IP6K1: variants seen among roughly 807,000 people sequenced by gnomAD.
The protein encoded by IP6K1 is inositol hexakisphosphate kinase 1, also known as ATP:1D-myo-inositol-hexakisphosphate phosphotransferase.
Under a neutral mutation model 38.3 loss-of-function variants are expected in IP6K1, and 13 were observed. The ratio of observed to expected loss-of-function variants is 0.34; its 90% CI spans 0.22 to 0.54. The LOEUF (loss-of-function observed/expected upper bound fraction) is 0.54, where lower values mean the gene tolerates loss of function less well. Among genes scored for constraint, IP6K1 ranks in the 20% least tolerant of loss-of-function variants. IP6K1 has a pLI of 0.92. For synonymous variants in IP6K1, 212 were observed against 229.9 expected (o/e 0.92, Z 0.70); for missense variants, 397 against 599.8 (o/e 0.66, Z 3.53).
chr3:49,763,164 C>T (rs1367164035), intron 1 of IP6K1, among the ~76,000 whole-genome samples: 2 of 141,714 alleles, frequency 1.4e-5, no homozygotes, highest in African/African-American at 2.7e-5. Flanking sequence ...AGTGTAGTGG[C>T]GCAATCTCGG....
intron 2 of IP6K1, among the ~76,000 whole-genome samples, chr3:49,740,707 G>T (rs2080659111): frequency 1.3e-5 from 2 of 152,054 alleles, no homozygotes; most frequent in Admixed American, 1.3e-4. Context: ...TGGCTCAATA[G>T]TATTCCATTG....
chr3:49,751,745 T>C (rs185816579), intron 1 of IP6K1, among the ~76,000 whole-genome samples: 33 of 152,328 alleles, frequency 2.2e-4, no homozygotes, highest in Admixed American at 8.5e-4. Flanking sequence ...TGTAATACTT[T>C]AGTTACATAT....
chr3:49,727,038 G>A lies in IP6K1; in HGVS notation c.*84C>T. The A allele has an allele frequency of 1.5e-6, 2 of 1,327,818 alleles. No homozygotes were observed. The highest frequency in any genetic ancestry group is 2.1e-6 in the Non-Finnish European group (2 of 964,484). 82.3% of individuals were successfully genotyped at this position (1,327,818 alleles called of 1,614,324 possible). Reference sequence around the variant, plus strand: ...GAGAAATATAACCCTTTAAAAGCAAGTCTGTGTGTCCTCACGGCAAGTTCA... The same window carrying A: ...GAGAAATATAACCCTTTAAAAGCAAATCTGTGTGTCCTCACGGCAAGTTCA... On this transcript the variant is annotated 3_prime_UTR_variant, in exon 6 of 6. Coordinates refer to ENST00000321599, the MANE Select transcript of IP6K1 (RefSeq NM_153273.4). The surrounding 1 kb of genome is among the most constrained non-coding windows in gnomAD (Gnocchi z 5.9).
At chr3:49,745,547 C>T (rs2080712978) in intron 2 of IP6K1, among the ~76,000 whole-genome samples, 2 of 152,094 alleles carry the variant, frequency 1.3e-5, no homozygotes, top group Admixed American at 1.3e-4. Context: ...TGGCAAAACC[C>T]CGTCTCTACT....
At chr3:49,749,655 A>G (rs555376068) in intron 1 of IP6K1, among the ~76,000 whole-genome samples, 3 of 152,282 alleles carry the variant, frequency 2.0e-5, no homozygotes, top group African/African-American at 7.2e-5. Context: ...TGGGTGACAG[A>G]GCAAGACCCT....
Position 49,765,645 on chromosome 3 carries a change from TAA to T in IP6K1, c.-128-17479_-128-17478del, listed in dbSNP as rs34536749. On this transcript the variant is annotated intron_variant, in intron 1 of 5. Coordinates refer to ENST00000321599, the MANE Select transcript of IP6K1 (RefSeq NM_153273.4). ...CCTGGCAACAGAGCGAGACTCGTCT[TAA>T]AAAAAAAAAAAAAAAAAGGGCCGCT... Among the ~76,000 whole-genome samples the T allele has an allele frequency of 3.7e-3, 467 of 125,738 alleles. 4 individuals are homozygous for T. Among genetic ancestry groups the T allele is most frequent in the African/African-American group, 0.011 (352 of 33,216 alleles). 82.5% of individuals were successfully genotyped at this position (125,738 alleles called of 152,430 possible).
chr3:49,777,876 C>G (rs181086052), intron 1 of IP6K1, among the ~76,000 whole-genome samples: 1 of 150,238 alleles, frequency 6.7e-6, no homozygotes, highest in Non-Finnish European at 1.5e-5. Context: ...GATCGCGCCA[C>G]GCACTCCAGC....
At position 49,783,724 on chromosome 3, in the gene IP6K1, A is replaced by G. The variant is rs932471686; in HGVS notation, c.-129+2630T>C. On this transcript the variant is annotated intron_variant, in intron 1 of 5. Coordinates refer to ENST00000321599, the MANE Select transcript of IP6K1 (RefSeq NM_153273.4). Reference sequence around the variant, plus strand: ...CGAGATTCCGTCTCAAAAAAAAAAAAAAAGAAAGAAAGAAAAGCTAATATT... The same window carrying G: ...CGAGATTCCGTCTCAAAAAAAAAAAGAAAGAAAGAAAGAAAAGCTAATATT... 1.3e-4 allele frequency among the ~76,000 whole-genome samples: 19 copies of G among 151,912 alleles called. 1 individual carries two copies. In the South Asian group the frequency reaches 3.5e-3, roughly 28 times the overall value.
chr3:49,727,481 C>G lies in IP6K1; in HGVS notation c.967G>C (p.Glu323Gln). 1.9e-6 allele frequency: 3 copies of G among 1,614,192 alleles called. No individual in the cohort carries two copies. Among genetic ancestry groups the G allele is most frequent in the Non-Finnish European group, 2.5e-6 (3 of 1,180,038 alleles). ...TAGAAGCGGTAAGAGGCCTGCCGCT[C>G]CAGCACAGCTTTCAGGCCCCGCAGT... ...SKLRGLKAVL[E>Q]RQASYRFYSS... The change falls in exon 6 of 6, where the codon GAG (glutamate) becomes CAG (glutamine). Residue 323 changes from glutamate to glutamine, a missense_variant. Glu to Gln is a conservative substitution (Grantham distance 29). Around this residue, in one of 3 missense-constraint regions of IP6K1, gnomAD observed 164 missense variants for 213.5 expected, o/e 0.77. Coordinates refer to ENST00000321599, the MANE Select transcript of IP6K1 (RefSeq NM_153273.4). This position sits in a 1 kb window ranked among gnomAD's most constrained non-coding sequence, Gnocchi z 5.9.
intron 4 of IP6K1, among the ~76,000 whole-genome samples, chr3:49,730,824 C>G (rs2080555943): frequency 6.6e-6 from 1 of 152,032 alleles, no homozygotes; most frequent in African/African-American, 2.4e-5. Flanking sequence ...TCAAATGATT[C>G]TCCTGTCTCA....
In IP6K1 at chr3:49,732,979, A is replaced by C. The variant is rs1316026042; in HGVS notation, c.435-7T>G. Reference sequence around the variant, plus strand: ...ACTCTTTGCCTCCTGTGAGCTAAGAAGGAAGAACATACACATCACTAAGAA... The same window carrying C: ...ACTCTTTGCCTCCTGTGAGCTAAGACGGAAGAACATACACATCACTAAGAA... On this transcript the variant is annotated splice_polypyrimidine_tract_variant and splice_region_variant and intron_variant, in intron 3 of 5. Transcript: ENST00000321599. 1 of 1,608,716 alleles carries C rather than the reference A, an allele frequency of 6.2e-7. No homozygotes were observed. Among genetic ancestry groups the C allele is most frequent in the Non-Finnish European group, 8.5e-7 (1 of 1,175,768 alleles).
intron 4 of IP6K1, among the ~76,000 whole-genome samples, chr3:49,728,580 TTTTC>T (rs1240287325): frequency 6.6e-6 from 1 of 152,114 alleles, no homozygotes; most frequent in African/African-American, 2.4e-5. Flanking sequence ...TCTCTAGAAC[TTTTC>T]TTTTTTTTTG....
At chr3:49,755,807 T>C (rs1172764254) in intron 1 of IP6K1, among the ~76,000 whole-genome samples, 1 of 152,152 alleles carries the variant, frequency 6.6e-6, no homozygotes, top group Admixed American at 6.5e-5. Context: ...TGAAAACACG[T>C]TTGTCCTCTA....
intron 4 of IP6K1, 180 bp from the exon 5 acceptor site, chr3:49,728,458 A>G (rs1313439094): frequency 6.9e-6 from 4 of 582,806 alleles, no homozygotes; most frequent in African/African-American, 1.9e-5. Flanking sequence ...CTGTGGTAAA[A>G]TATACATAAA....
intron 1 of IP6K1, among the ~76,000 whole-genome samples, chr3:49,768,034 T>TA (rs140063422): frequency 0.17 from 20,369 of 121,620 alleles, 1,508 homozygotes; most frequent in Middle Eastern, 0.26. Context: ...ATCCAAGTTA[T>TA]AAAAAAAAAA....
intron 4 of IP6K1, among the ~76,000 whole-genome samples, chr3:49,730,961 G>C (rs569206906): frequency 3.7e-4 from 56 of 151,990 alleles, no homozygotes; most frequent in African/African-American, 1.3e-3. Flanking sequence ...TGCCGGCCTC[G>C]GCCTCCCAAA....
chr3:49,770,869 T>C (rs1396554746), intron 1 of IP6K1, among the ~76,000 whole-genome samples: 1 of 152,078 alleles, frequency 6.6e-6, no homozygotes, highest in African/African-American at 2.4e-5. Flanking sequence ...TAGCATCTTG[T>C]GAGGCCCAGG....
intron 1 of IP6K1, chr3:49,775,705 C>G (rs1199559605): frequency 7.1e-6 from 3 of 421,494 alleles, no homozygotes; most frequent in Non-Finnish European, 1.3e-5. Context: ...GGAGCAGAGC[C>G]CAGAGCATCA....
intron 1 of IP6K1, among the ~76,000 whole-genome samples, chr3:49,750,442 C>T (rs902848025): frequency 2.6e-5 from 4 of 152,142 alleles, no homozygotes; most frequent in African/African-American, 9.7e-5. Flanking sequence ...CGCCTATAAT[C>T]CCAGCACTTT....
Sources: gnomAD v4.1 joint callset for allele counts (sites outside exome capture counted in the v4.1 genomes callset) on GRCh38, gnomAD v4.1.1 for gene constraint, gnomAD v4.1.1 regional missense constraint, Gnocchi (gnomAD v3.1) non-coding constraint, MANE v1.5 for transcripts, NCBI Gene and HGNC (gene_info 2026-07-23, HGNC 2026-07-21) for gene names.